Variants in SND1 observed in about 807,000 individuals in gnomAD.
The protein encoded by SND1 is staphylococcal nuclease domain-containing protein 1.
SND1 carries 38 observed loss-of-function variants against 121.7 expected under a neutral mutation model. The ratio of observed to expected loss-of-function variants is 0.31; its 90% CI spans 0.24 to 0.41. The LOEUF (loss-of-function observed/expected upper bound fraction) is 0.41. Ranked by LOEUF, SND1 falls within the 10% of genes least tolerant of loss-of-function variation. SND1 has a pLI of 1.00. For synonymous variants in SND1, 401 were observed against 447.4 expected, an observed-to-expected ratio of 0.90 and a Z score of 1.31; for missense variants, 868 against 1,184.6, an observed-to-expected ratio of 0.73 and a Z score of 3.92.
rs559702070 is a variant in SND1, at chr7:127,975,382, C to T, written c.1670-15565C>T. ...GTGTGTATGTGAGAGATTGACTCCC[C>T]TCGTGTGTGTGTGTGTGTGTGTAAG... On this transcript the variant is annotated intron_variant, in intron 15 of 23. Transcript: ENST00000354725. Among the ~76,000 whole-genome samples the T allele has an allele frequency of 5.6e-3, 757 of 134,690 alleles. 6 individuals are homozygous for T. Among genetic ancestry groups the T allele is most frequent in the African/African-American group, 0.023 (730 of 31,730 alleles). The allele number at this position is 134,690 out of a possible 152,430, so 88.4% of individuals were successfully genotyped here.
At chr7:127,805,359 T>C (rs1584586063) in intron 10 of SND1, among the ~76,000 whole-genome samples, 1 of 152,190 alleles carries the variant, frequency 6.6e-6, no homozygotes, top group African/African-American at 2.4e-5. Flanking sequence ...CTGGAGTATG[T>C]TGATTTCCAC....
intron 10 of SND1, among the ~76,000 whole-genome samples, chr7:127,796,487 C>CTT (rs1798029254): frequency 6.6e-6 from 1 of 152,102 alleles, no homozygotes; most frequent in Admixed American, 6.5e-5. Context: ...GTACCATAAA[C>CTT]AGCTTTTTTT....
At position 127,819,790 on chromosome 7, in the gene SND1, A is replaced by C. The variant is rs145791358; in HGVS notation, c.1242+12217A>C. ...CTACTTTTAGGGTTCCAAAAGTTTA[A>C]TCTTTTTGTCATCAAAGATTGTTTT... On this transcript the variant is annotated intron_variant, in intron 11 of 23. Coordinates refer to ENST00000354725, the MANE Select transcript of SND1 (RefSeq NM_014390.4). 2.6e-3 allele frequency among the ~76,000 whole-genome samples: 396 copies of C among 152,320 alleles called. 1 individual carries two copies. The highest frequency in any genetic ancestry group is 0.024 in the Middle Eastern group (7 of 294).
chr7:128,074,872 C>G (rs1474431899), intron 17 of SND1, among the ~76,000 whole-genome samples, 182 bp downstream of exon 17: 1 of 152,222 alleles, frequency 6.6e-6, no homozygotes, highest in African/African-American at 2.4e-5. Context: ...GCTGAGGTGT[C>G]CTCGGCCACA....
intron 12 of SND1, among the ~76,000 whole-genome samples, chr7:127,846,901 C>T (rs1799074311): frequency 6.6e-6 from 1 of 152,100 alleles, no homozygotes; most frequent in African/African-American, 2.4e-5. Context: ...ATCTTAGTCA[C>T]TGCTTCTGTT....
intron 12 of SND1, among the ~76,000 whole-genome samples, chr7:127,873,666 G>A (rs151097971): frequency 1.7e-3 from 266 of 152,226 alleles, no homozygotes; most frequent in African/African-American, 6.1e-3. Flanking sequence ...TAAGAGACAG[G>A]CTGTGTTGCC....
intron 16 of SND1, among the ~76,000 whole-genome samples, chr7:128,007,348 C>T (rs1356672046): frequency 3.9e-5 from 6 of 152,190 alleles, no homozygotes; most frequent in Admixed American, 3.3e-4. Context: ...TGGCTCCCTG[C>T]TTTCAGATCA....
At chr7:127,857,183 CTTTTTTTTTT>C (rs71522259) in intron 12 of SND1, among the ~76,000 whole-genome samples, 8 of 67,944 alleles carry the variant, frequency 1.2e-4, no homozygotes, top group Non-Finnish European at 2.1e-4. Flanking sequence ...AATGTCAACA[CTTTTTTTTTT>C]TTTTTTTTTT....
rs1795982339 is a variant in SND1 at position 127,694,958 on chromosome 7, A to G, written c.349+10A>G. ...ATCTACCTTGGAAAAGGTGAGCTGC[A>G]GGGAGAGGACTCATTTCTCTCAAGT... On this transcript the variant is annotated intron_variant, in intron 3 of 23. Transcript: ENST00000354725. 6.2e-7 allele frequency: 1 copy of G among 1,610,526 alleles called. No homozygotes were observed. Among genetic ancestry groups the G allele is most frequent in the Non-Finnish European group, 8.5e-7 (1 of 1,177,994 alleles).
intron 11 of SND1, among the ~76,000 whole-genome samples, chr7:127,823,813 C>T (rs1043410582): frequency 1.3e-5 from 2 of 151,856 alleles, no homozygotes; most frequent in Non-Finnish European, 2.9e-5. Context: ...GAGGTATTGG[C>T]GAATTCAGAT....
Position 127,652,194 on chromosome 7 carries a change from C to A in SND1, c.-180C>A, listed in dbSNP as rs1016746520. 4 of 633,824 alleles carry A rather than the reference C, an allele frequency of 6.3e-6. No homozygotes were observed. In the Admixed American group the frequency reaches 9.9e-5, roughly 16 times the overall value. The allele number at this position is 633,824 out of a possible 1,614,324, so 39.3% of individuals were successfully genotyped here. On this transcript the variant is annotated 5_prime_UTR_variant, in exon 1 of 24. Coordinates refer to ENST00000354725, the MANE Select transcript of SND1 (RefSeq NM_014390.4). The stretch of plus-strand genomic sequence containing the variant: ...CGTGTGGCGGCGGCGGAGATCGCGT[C>A]TCTTTCGCTCCGTGTCCCGCTGCTG...
At chr7:128,044,696 A>T (rs1007650812) in intron 16 of SND1, among the ~76,000 whole-genome samples, 6 of 136,112 alleles carry the variant, frequency 4.4e-5, no homozygotes. Context: ...CCTACTCCTA[A>T]ACAATTTAAG....
intron 15 of SND1, among the ~76,000 whole-genome samples, chr7:127,984,089 CCT>C (rs1226434778): frequency 1.3e-5 from 2 of 152,162 alleles, no homozygotes; most frequent in East Asian, 1.9e-4. Flanking sequence ...TCTCCACGCC[CCT>C]GAGTCATTTT....
At chr7:128,081,302 T>C in intron 17 of SND1, 58 bp from the exon 18 acceptor site, 1 of 1,604,744 alleles carries the variant, frequency 6.2e-7, no homozygotes, top group Non-Finnish European at 8.5e-7. Context: ...GGCCTCCCAG[T>C]GTCTTTTATG....
At chr7:127,890,984 A>G (rs1169667232) in intron 13 of SND1, among the ~76,000 whole-genome samples, 1 of 152,114 alleles carries the variant, frequency 6.6e-6, no homozygotes, top group Non-Finnish European at 1.5e-5. Flanking sequence ...TGCCATAAGG[A>G]AATACAGGCC....
chr7:127,917,556 A>T (rs1800610000), intron 14 of SND1, among the ~76,000 whole-genome samples: 1 of 152,132 alleles, frequency 6.6e-6, no homozygotes, highest in African/African-American at 2.4e-5. Flanking sequence ...ACACTACCAC[A>T]CCTGGCTAAT....
intron 15 of SND1, among the ~76,000 whole-genome samples, chr7:127,979,975 C>G (rs1192287017): frequency 6.6e-6 from 1 of 152,168 alleles, no homozygotes; most frequent in Non-Finnish European, 1.5e-5. Context: ...CCATTCTTGA[C>G]CCACAGCTGG....
intron 15 of SND1, among the ~76,000 whole-genome samples, chr7:127,968,497 G>A (rs1801905187): frequency 2.0e-5 from 3 of 152,176 alleles, no homozygotes; most frequent in Admixed American, 2.0e-4. Flanking sequence ...TTTTTGTAAG[G>A]TTTGATTAGA....
intron 12 of SND1, among the ~76,000 whole-genome samples, chr7:127,881,781 G>A (rs528138798): frequency 3.9e-5 from 6 of 152,126 alleles, no homozygotes; most frequent in African/African-American, 1.4e-4. Flanking sequence ...CTCTGTCACC[G>A]AGTCTGGAGT....
Sources: gnomAD v4.1 joint callset for allele counts (sites outside exome capture counted in the v4.1 genomes callset) on GRCh38, gnomAD v4.1.1 for gene constraint, MANE v1.5 for transcripts, NCBI Gene and HGNC (gene_info 2026-07-23, HGNC 2026-07-21) for gene names.